JAKMIP1: variants seen among roughly 807,000 people sequenced by gnomAD.
JAKMIP1 encodes janus kinase and microtubule-interacting protein 1.
In JAKMIP1, 33 loss-of-function variants were observed where a neutral mutation model predicts 113.0. That is an observed-to-expected ratio of 0.29 (90% confidence interval 0.22 to 0.39). The LOEUF (loss-of-function observed/expected upper bound fraction) is 0.39. Ranked by LOEUF, JAKMIP1 falls within the 10% of genes least tolerant of loss-of-function variation. The pLI, the probability that JAKMIP1 is intolerant of heterozygous loss-of-function variation, is 1.00. For missense variants in JAKMIP1, 813 were observed against 1,080.5 expected (o/e 0.75, Z 3.47); for synonymous variants, 480 against 459.9 (o/e 1.04, Z -0.56).
chr4:6,071,443 A>T (rs1035145736), intron 8 of JAKMIP1, among the ~76,000 whole-genome samples: 1 of 152,202 alleles, frequency 6.6e-6, no homozygotes, highest in Admixed American at 6.5e-5. Context: ...ACTAGGCAGG[A>T]GGCCGGGCAC....
Position 6,142,423 on chromosome 4 carries a change from T to G in JAKMIP1, c.-147-29426A>C, listed in dbSNP as rs1255867424. The stretch of plus-strand genomic sequence containing the variant: ...CCAGTGTTTTTTAAACGACTGGTTT[T>G]TGCACCTCCAGCCAAAGTCTTACAT... On this transcript the variant is annotated intron_variant, in intron 1 of 20. Coordinates refer to ENST00000409021, the MANE Select transcript of JAKMIP1 (RefSeq NM_001099433.2). The surrounding 1 kb of genome is among the most constrained non-coding windows in gnomAD (Gnocchi z 5.5). 6.6e-6 allele frequency among the ~76,000 whole-genome samples: 1 copy of G among 152,232 alleles called. No homozygotes were observed. Among genetic ancestry groups the G allele is most frequent in the Non-Finnish European group, 1.5e-5 (1 of 68,036 alleles).
At chr4:6,091,343 G>A (rs1281438039) in intron 3 of JAKMIP1, among the ~76,000 whole-genome samples, 1 of 152,178 alleles carries the variant, frequency 6.6e-6, no homozygotes, top group Non-Finnish European at 1.5e-5. Flanking sequence ...CGTCTCTTGT[G>A]CAAATACACA....
At chr4:6,122,187 G>T (rs560183932) in intron 1 of JAKMIP1, among the ~76,000 whole-genome samples, 1 of 152,200 alleles carries the variant, frequency 6.6e-6, no homozygotes, top group South Asian at 2.1e-4. Flanking sequence ...TCTACTAAAA[G>T]TACAAAAATT....
chr4:6,175,743 C>T (rs1423415600), intron 1 of JAKMIP1, among the ~76,000 whole-genome samples: 4 of 152,230 alleles, frequency 2.6e-5, no homozygotes, highest in African/African-American at 4.8e-5. Context: ...GTGGCTCTCT[C>T]GGCACCTGGA....
chr4:6,085,011 A>G, intron 4 of JAKMIP1, 46 bp from the exon 5 acceptor site: 1 of 1,494,574 alleles, frequency 6.7e-7, no homozygotes, highest in Non-Finnish European at 8.9e-7. Flanking sequence ...ACGTAAATGT[A>G]CTTTGAAGAA....
chr4:6,082,062 CATG>C (rs1467696268), intron 5 of JAKMIP1, among the ~76,000 whole-genome samples: 1 of 152,076 alleles, frequency 6.6e-6, no homozygotes, highest in Non-Finnish European at 1.5e-5. Flanking sequence ...CTATCAATAT[CATG>C]ATAACCACAG....
chr4:6,177,743 C>T (rs1414916715), intron 1 of JAKMIP1, among the ~76,000 whole-genome samples: 1 of 152,158 alleles, frequency 6.6e-6, no homozygotes, highest in African/African-American at 2.4e-5. Context: ...ATCAGTGCAA[C>T]CTCCTCCACT....
chr4:6,035,365 G>A (rs1237991118), intron 19 of JAKMIP1, among the ~76,000 whole-genome samples: 7 of 152,182 alleles, frequency 4.6e-5, no homozygotes, highest in Admixed American at 1.3e-4. Flanking sequence ...GTGAGCGCCC[G>A]ACAAATGCTC....
At position 6,080,772 on chromosome 4, in the gene JAKMIP1, C is replaced by A. The variant is rs1042077647; in HGVS notation, c.1102-460G>T. 6.6e-6 allele frequency among the ~76,000 whole-genome samples: 1 copy of A among 152,070 alleles called. No individual in the cohort carries two copies. The highest frequency in any genetic ancestry group is 2.4e-5 in the African/African-American group (1 of 41,390). On this transcript the variant is annotated intron_variant, in intron 6 of 20. Transcript: ENST00000409021. The surrounding 1 kb of genome is among the most constrained non-coding windows in gnomAD (Gnocchi z 6.0). ...CCAGTCTCAGGTATGCCTTTATCAG[C>A]AGTGTGAAAATGGACTAATACGTGG...
intron 4 of JAKMIP1, 26 bp downstream of exon 4, chr4:6,085,394 G>A: frequency 6.2e-7 from 1 of 1,606,324 alleles, no homozygotes; most frequent in Non-Finnish European, 8.5e-7. Context: ...ACCAGCCTGA[G>A]GCTGGCACAA....
In JAKMIP1 at chr4:6,185,677, G is replaced by A. The variant is rs1726579619; in HGVS notation, c.-148+14576C>T. Among the ~76,000 whole-genome samples the A allele has an allele frequency of 6.6e-6, 1 of 152,112 alleles. No homozygotes were observed. The highest frequency in any genetic ancestry group is 6.5e-5 in the Admixed American group (1 of 15,276). Reference sequence around the variant, plus strand: ...AAACAAAAGCCAGACCCCAGCTGCAGAGTCCCTGATCCAGGAGATCAGGGT... The same window carrying A: ...AAACAAAAGCCAGACCCCAGCTGCAAAGTCCCTGATCCAGGAGATCAGGGT... On this transcript the variant is annotated intron_variant, in intron 1 of 20. Coordinates refer to ENST00000409021, the MANE Select transcript of JAKMIP1 (RefSeq NM_001099433.2). This position sits in a 1 kb window ranked among gnomAD's most constrained non-coding sequence, Gnocchi z 5.3.
rs1726504308 is a variant in JAKMIP1, at chr4:6,185,180, A to G, written c.-148+15073T>C. Among the ~76,000 whole-genome samples, 1 of 152,200 alleles carries G rather than the reference A, an allele frequency of 6.6e-6. No individual in the cohort carries two copies. The highest frequency in any genetic ancestry group is 1.5e-5 in the Non-Finnish European group (1 of 68,022). The stretch of plus-strand genomic sequence containing the variant: ...TGCAGATGGCCTAATGTGGGGCTTC[A>G]CCTTGTGATCTTGTGAGTCAATTAT... On this transcript the variant is annotated intron_variant, in intron 1 of 20. Transcript: ENST00000409021. The surrounding 1 kb of genome is among the most constrained non-coding windows in gnomAD (Gnocchi z 5.3).
At position 6,069,274 on chromosome 4, in the gene JAKMIP1, C is replaced by G. The variant is rs561610870; in HGVS notation, c.1303-4266G>C. Among the ~76,000 whole-genome samples, 1 of 152,330 alleles carries G rather than the reference C, an allele frequency of 6.6e-6. No individual in the cohort carries two copies. Among genetic ancestry groups the G allele is most frequent in the South Asian group, 2.1e-4 (1 of 4,824 alleles). On this transcript the variant is annotated intron_variant, in intron 8 of 20. Coordinates refer to ENST00000409021, the MANE Select transcript of JAKMIP1 (RefSeq NM_001099433.2). This position sits in a 1 kb window ranked among gnomAD's most constrained non-coding sequence, Gnocchi z 4.5. The stretch of plus-strand genomic sequence containing the variant: ...AACTTCATTTTTTTGTGTCTCCACT[C>G]TTCTAAGAGTCTCTAGGTTTTTCCT...
chr4:6,102,004 A>T (rs1713125640), intron 3 of JAKMIP1, among the ~76,000 whole-genome samples: 1 of 151,998 alleles, frequency 6.6e-6, no homozygotes, highest in Admixed American at 6.5e-5. Flanking sequence ...TAAGTCTTCT[A>T]ATCGATGAAA....
At chr4:6,048,727 T>C (rs994275970) in intron 16 of JAKMIP1, 130 bp downstream of exon 16, 12 of 711,660 alleles carry the variant, frequency 1.7e-5, no homozygotes, top group Non-Finnish European at 2.2e-5. Context: ...AAGGCATGCA[T>C]GTGCACGTGC....
At position 6,049,637 on chromosome 4, in the gene JAKMIP1, A is replaced by T. The variant is rs1224843754; in HGVS notation, c.1962+182T>A. ...CAGGGGAATCTAACTTCGGAACCCC[A>T]CTTCTGACGAATGCCAACCCCACCA... On this transcript the variant is annotated intron_variant, in intron 15 of 20. Transcript: ENST00000409021. The surrounding 1 kb of genome is among the most constrained non-coding windows in gnomAD (Gnocchi z 7.0). Among the ~76,000 whole-genome samples the T allele has an allele frequency of 2.0e-5, 3 of 152,060 alleles. No homozygotes were observed. Among genetic ancestry groups the T allele is most frequent in the Non-Finnish European group, 2.9e-5 (2 of 68,022 alleles).
rs1413674126 is a variant in JAKMIP1, at chr4:6,094,272, A to G, written c.625-8643T>C. Among the ~76,000 whole-genome samples the G allele has an allele frequency of 6.6e-6, 1 of 152,220 alleles. No individual in the cohort carries two copies. The highest frequency in any genetic ancestry group is 1.5e-5 in the Non-Finnish European group (1 of 68,034). ...GGTGCTCACCAAATGGAGTGCCCGGAAAATATATAGCCTCTCTTCCGTAAT... is the reference window on the plus strand; with the variant it reads ...GGTGCTCACCAAATGGAGTGCCCGGGAAATATATAGCCTCTCTTCCGTAAT... On this transcript the variant is annotated intron_variant, in intron 3 of 20. Coordinates refer to ENST00000409021, the MANE Select transcript of JAKMIP1 (RefSeq NM_001099433.2). The surrounding 1 kb of genome is among the most constrained non-coding windows in gnomAD (Gnocchi z 4.2).
chr4:6,143,501 C>A lies in JAKMIP1; in HGVS notation c.-147-30504G>T, dbSNP rs1382708139. On this transcript the variant is annotated intron_variant, in intron 1 of 20. Transcript: ENST00000409021. This position sits in a 1 kb window ranked among gnomAD's most constrained non-coding sequence, Gnocchi z 4.9. ...CTCCACAATGGGACAAGAGGCAGGC[C>A]TGCTGGATCCGGCCTGGGTCCCACC... Among the ~76,000 whole-genome samples the A allele has an allele frequency of 6.6e-6, 1 of 152,234 alleles. No individual in the cohort carries two copies. The highest frequency in any genetic ancestry group is 1.5e-5 in the Non-Finnish European group (1 of 68,044).
intron 19 of JAKMIP1, among the ~76,000 whole-genome samples, chr4:6,032,929 C>T (rs1703120560): frequency 6.6e-6 from 1 of 152,206 alleles, no homozygotes; most frequent in Non-Finnish European, 1.5e-5. Context: ...ATGGAGAGGG[C>T]ATTGCCATCG....
Sources: gnomAD v4.1 joint callset for allele counts (sites outside exome capture counted in the v4.1 genomes callset) on GRCh38, gnomAD v4.1.1 for gene constraint, Gnocchi (gnomAD v3.1) non-coding constraint, MANE v1.5 for transcripts, NCBI Gene and HGNC (gene_info 2026-07-23, HGNC 2026-07-21) for gene names.